The following KIAA1549L variants were observed in gnomAD, a reference collection of about 807,000 sequenced individuals.
KIAA1549L encodes the protein UPF0606 protein KIAA1549L.
Under a neutral mutation model 160.7 loss-of-function variants are expected in KIAA1549L, and 88 were observed. The observed-to-expected ratio is 0.55, with a 90% CI of 0.46 to 0.65. KIAA1549L has a LOEUF of 0.65. Among genes scored for constraint, KIAA1549L ranks in the 30% least tolerant of loss-of-function variants. KIAA1549L has a pLI of 0.00. For synonymous variants in KIAA1549L, 950 were observed against 976.7 expected, an observed-to-expected ratio of 0.97 and a Z score of 0.51; for missense variants, 2,258 against 2,437.5, an observed-to-expected ratio of 0.93 and a Z score of 1.55.
chr11:33,521,552 G>A (rs1853494297), intron 1 of KIAA1549L, among the ~76,000 whole-genome samples: 1 of 152,206 alleles, frequency 6.6e-6, no homozygotes, highest in Admixed American at 6.5e-5. Context: ...CAGGTACTCA[G>A]CAGGCTTATT....
intron 1 of KIAA1549L, among the ~76,000 whole-genome samples, chr11:33,477,381 G>A (rs762015957): frequency 3.3e-5 from 5 of 152,210 alleles, no homozygotes; most frequent in Non-Finnish European, 5.9e-5. Flanking sequence ...TCACAGAAAT[G>A]TTCTCTCTGA....
At position 33,661,895 on chromosome 11, in the gene KIAA1549L, A is replaced by G. The variant is rs201307256; in HGVS notation, c.6159+881A>G. 2.5e-4 allele frequency among the ~76,000 whole-genome samples: 37 copies of G among 150,960 alleles called. No homozygotes were observed. The East Asian group carries it at 6.6e-3, about 27-fold the overall frequency. ...ACTATGTCTCAAAAAAAAAAAAAAA[A>G]AAAAAAAAAAAGAAACCCAAGACTG... On this transcript the variant is annotated intron_variant, in intron 20 of 20. Transcript: ENST00000658780.
intron 1 of KIAA1549L, among the ~76,000 whole-genome samples, chr11:33,446,301 G>T (rs975279610): frequency 3.9e-5 from 6 of 152,036 alleles, no homozygotes; most frequent in African/African-American, 1.4e-4. Context: ...CACCATGTTG[G>T]CCAGGCTGGC....
chr11:33,548,267 C>T (rs1854332496), intron 4 of KIAA1549L, among the ~76,000 whole-genome samples: 1 of 152,040 alleles, frequency 6.6e-6, no homozygotes, highest in South Asian at 2.1e-4. Context: ...GGCGTGGTGG[C>T]AGGTGCCTGT....
chr11:33,412,221 C>T (rs1445493162), intron 1 of KIAA1549L, among the ~76,000 whole-genome samples: 6 of 152,114 alleles, frequency 3.9e-5, no homozygotes, highest in Non-Finnish European at 7.4e-5. Flanking sequence ...TGCTCTATTT[C>T]TTACATGAAT....
intron 16 of KIAA1549L, among the ~76,000 whole-genome samples, chr11:33,630,095 G>C (rs886574985): frequency 6.6e-6 from 1 of 151,788 alleles, no homozygotes; most frequent in Non-Finnish European, 1.5e-5. Context: ...CACTTAGGCT[G>C]CTCAGGGGTC....
intron 1 of KIAA1549L, among the ~76,000 whole-genome samples, chr11:33,390,826 C>A (rs1221033626): frequency 6.6e-6 from 1 of 152,144 alleles, no homozygotes; most frequent in African/African-American, 2.4e-5. Context: ...ATAAATACTC[C>A]CACCATGGCT....
chr11:33,489,905 C>A (rs1019184532), intron 1 of KIAA1549L, among the ~76,000 whole-genome samples: 1 of 152,116 alleles, frequency 6.6e-6, no homozygotes, highest in South Asian at 2.1e-4. Context: ...TTGTTATATG[C>A]GAGGCACTCA....
At chr11:33,639,354 A>T (rs139997023) in intron 16 of KIAA1549L, among the ~76,000 whole-genome samples, 53 of 152,270 alleles carry the variant, frequency 3.5e-4, no homozygotes, top group African/African-American at 1.2e-3. Flanking sequence ...GAAGCGCAAG[A>T]CCAGGGGCCC....
intron 16 of KIAA1549L, among the ~76,000 whole-genome samples, chr11:33,644,587 T>C (rs1248856221): frequency 6.6e-6 from 1 of 152,270 alleles, no homozygotes; most frequent in African/African-American, 2.4e-5. Context: ...TACCTTTATT[T>C]AATCCTTATA....
chr11:33,529,605 A>G (rs1306400350), intron 1 of KIAA1549L, among the ~76,000 whole-genome samples: 1 of 152,216 alleles, frequency 6.6e-6, no homozygotes, highest in Non-Finnish European at 1.5e-5. Flanking sequence ...CAGCTGGAAC[A>G]AGGCAATTGG....
At chr11:33,512,739 C>T (rs1303230315) in intron 1 of KIAA1549L, among the ~76,000 whole-genome samples, 6 of 152,096 alleles carry the variant, frequency 3.9e-5, no homozygotes, top group Non-Finnish European at 5.9e-5. Context: ...AGGTAATATT[C>T]GAAATCCTTT....
chr11:33,659,256 G>A (rs1458561634), intron 19 of KIAA1549L, among the ~76,000 whole-genome samples: 1 of 152,168 alleles, frequency 6.6e-6, no homozygotes, highest in East Asian at 1.9e-4. Context: ...TCAGGTGATA[G>A]GTTTTAATCC....
chr11:33,434,200 T>A (rs544837222), intron 1 of KIAA1549L, among the ~76,000 whole-genome samples: 11 of 152,252 alleles, frequency 7.2e-5, no homozygotes, highest in Admixed American at 6.5e-4. Context: ...GTGGAGATAA[T>A]TGAATCATGG....
chr11:33,468,768 A>C (rs999598808), intron 1 of KIAA1549L, among the ~76,000 whole-genome samples: 1 of 152,238 alleles, frequency 6.6e-6, no homozygotes, highest in African/African-American at 2.4e-5. Flanking sequence ...CTCCAGAATC[A>C]TAACTCTGGC....
chr11:33,395,450 ACT>A (rs1445263879), intron 1 of KIAA1549L, among the ~76,000 whole-genome samples: 1 of 151,316 alleles, frequency 6.6e-6, no homozygotes, highest in Non-Finnish European at 1.5e-5. Context: ...TGTTTCTGGA[ACT>A]CTCTTTCATC....
In KIAA1549L at chr11:33,670,029, G is replaced by A. The variant is rs984849390; in HGVS notation, c.*1875G>A. On this transcript the variant is annotated 3_prime_UTR_variant, in exon 21 of 21. Coordinates refer to ENST00000658780, the MANE Select transcript of KIAA1549L (RefSeq NM_012194.3). The stretch of plus-strand genomic sequence containing the variant: ...CAGTTTGCAAAACACTGTGGACAGT[G>A]CGAGATTTTATTGACAGGTTAACAC... 4 of 152,326 alleles carry A rather than the reference G, an allele frequency of 2.6e-5. No homozygotes were observed. Among genetic ancestry groups the A allele is most frequent in the Non-Finnish European group, 5.9e-5 (4 of 68,022 alleles). The allele number at this position is 152,326 out of a possible 1,614,324, so 9.4% of individuals were successfully genotyped here.
In KIAA1549L at chr11:33,439,217, T is replaced by A. The variant is rs146746724; in HGVS notation, c.238+62328T>A. Among the ~76,000 whole-genome samples the A allele has an allele frequency of 1.2e-3, 183 of 152,016 alleles. 1 individual carries two copies. In the East Asian group the frequency reaches 0.016, roughly 13 times the overall value. ...GTGAGCCACCGTGTCTGGCCTAAATTGAAATTTTTAATTGTGAAATGACCT... is the reference window on the plus strand; with the variant it reads ...GTGAGCCACCGTGTCTGGCCTAAATAGAAATTTTTAATTGTGAAATGACCT... On this transcript the variant is annotated intron_variant, in intron 1 of 20. Transcript: ENST00000658780.
intron 10 of KIAA1549L, among the ~76,000 whole-genome samples, chr11:33,576,537 C>T (rs1186663103): frequency 2.0e-5 from 3 of 152,168 alleles, no homozygotes; most frequent in Non-Finnish European, 4.4e-5. Context: ...AGCTCTTTCT[C>T]CCTCTCTCCA....
Sources: gnomAD v4.1 joint callset for allele counts (sites outside exome capture counted in the v4.1 genomes callset) on GRCh38, gnomAD v4.1.1 for gene constraint, MANE v1.5 for transcripts, NCBI Gene and HGNC (gene_info 2026-07-23, HGNC 2026-07-21) for gene names.